The following SVOPL variants were observed in gnomAD, a reference collection of about 807,000 sequenced individuals.
The protein encoded by SVOPL is putative transporter SVOPL.
A neutral mutation model predicts 61.0 loss-of-function variants in SVOPL; 60 were observed. That is an observed-to-expected ratio of 0.98 (90% CI 0.80 to 1.22). SVOPL has a LOEUF of 1.22. Ranked by LOEUF, SVOPL falls within the 50% of genes most tolerant of loss-of-function variation. The pLI is 0.00. For missense variants in SVOPL, 662 were observed against 643.9 expected (o/e 1.03, Z -0.30); for synonymous variants, 279 against 250.0 (o/e 1.12, Z -1.09).
At position 138,659,983 on chromosome 7, in the gene SVOPL, C is replaced by T; in HGVS notation, c.351G>A (p.Leu117=). The T allele has an allele frequency of 6.4e-7, 1 of 1,551,474 alleles. No individual in the cohort carries two copies. The highest frequency in any genetic ancestry group is 8.7e-7 in the Non-Finnish European group (1 of 1,146,914). The part of the protein sequence containing the change: ...LADRYGRWKI[L]LISFLWGAYF... ...AGGCTCCCCACAGGAACGAGATGAG[C>T]AGAATCTGAAGCAACAGCAGAACAC... The change falls in exon 6 of 16, where the codon CTG becomes CTA. Residue 117 remains leucine, a synonymous_variant. Transcript: ENST00000674285.
chr7:138,621,934 CTATCTATCTATGTATCTATCTATCTATG>C lies in SVOPL; in HGVS notation c.1264-827_1264-800del, dbSNP rs1258502184. Among the ~76,000 whole-genome samples, 65 of 72,980 alleles carry C rather than the reference CTATCTATCTATGTATCTATCTATCTATG, an allele frequency of 8.9e-4. 7 individuals are homozygous for C. The highest frequency in any genetic ancestry group is 2.9e-3 in the African/African-American group (50 of 16,984). The allele number at this position is 72,980 out of a possible 152,430, so 47.9% of individuals were successfully genotyped here. ...TCTATCTATGTATCTATCTATGTAT[CTATCTATCTATGTATCTATCTATCTATG>C]TATCTATCTATGTATCTATCTATCT... is the stretch of plus-strand genomic sequence containing the variant. On this transcript the variant is annotated intron_variant, in intron 13 of 15. Coordinates refer to ENST00000674285, the MANE Select transcript of SVOPL (RefSeq NM_001139456.2).
intron 1 of SVOPL, among the ~76,000 whole-genome samples, chr7:138,699,737 G>A (rs761225864): frequency 2.6e-5 from 4 of 152,142 alleles, no homozygotes; most frequent in Non-Finnish European, 5.9e-5. Flanking sequence ...GGTGGGGTGA[G>A]GGTGGAAAAA....
Position 138,679,084 on chromosome 7 carries a change from T to G in SVOPL, c.-34-5A>C. The G allele has an allele frequency of 1.3e-6, 2 of 1,513,622 alleles. No homozygotes were observed. Among genetic ancestry groups the G allele is most frequent in the East Asian group, 4.9e-5 (2 of 40,686 alleles). The allele number at this position is 1,513,622 out of a possible 1,614,324, so 93.8% of individuals were successfully genotyped here. The stretch of plus-strand genomic sequence containing the variant: ...CAAGTTCCCCAAACAGCTTCCCTGG[T>G]GGAAGCAAGGGAGGGAAGAAGGAAA... On this transcript the variant is annotated splice_region_variant and splice_polypyrimidine_tract_variant and intron_variant, in intron 1 of 15. Transcript: ENST00000674285.
intron 1 of SVOPL, among the ~76,000 whole-genome samples, chr7:138,691,172 C>T (rs1288926670): frequency 6.6e-6 from 1 of 152,066 alleles, no homozygotes; most frequent in African/African-American, 2.4e-5. Flanking sequence ...AATAGTAATG[C>T]AAATCACAGC....
At chr7:138,618,592 C>T (rs1799404603) in intron 14 of SVOPL, among the ~76,000 whole-genome samples, 1 of 151,904 alleles carries the variant, frequency 6.6e-6, no homozygotes, top group Non-Finnish European at 1.5e-5. Context: ...ACCCAGGAGG[C>T]GGAGGTTGCA....
chr7:138,648,533 C>CAAAAAAAAAAAAAAAAAA (rs61171485), intron 8 of SVOPL, among the ~76,000 whole-genome samples: 1 of 73,788 alleles, frequency 1.4e-5, no homozygotes, highest in Non-Finnish European at 3.1e-5. Flanking sequence ...ACTAAAAATC[C>CAAAAAAAAAAAAAAAAAA]AAAAAAAAAA....
chr7:138,657,330 A>AT (rs1345337989), intron 6 of SVOPL, among the ~76,000 whole-genome samples: 2 of 151,744 alleles, frequency 1.3e-5, no homozygotes, highest in Non-Finnish European at 2.9e-5. Flanking sequence ...TAATTTTTAA[A>AT]TTTTTTGTAG....
At chr7:138,683,369 G>A (rs1015805193) in intron 1 of SVOPL, among the ~76,000 whole-genome samples, 1 of 151,784 alleles carries the variant, frequency 6.6e-6, no homozygotes, top group African/African-American at 2.4e-5. Context: ...GAGGTTCTGA[G>A]ATTCTGGGGT....
At chr7:138,638,976 G>C (rs956142844) in intron 9 of SVOPL, among the ~76,000 whole-genome samples, 4 of 152,198 alleles carry the variant, frequency 2.6e-5, no homozygotes. Flanking sequence ...TAACAGGCCA[G>C]GCACAGTGGC....
Position 138,678,424 on chromosome 7 carries a change from GAGCACTCACCCC to G in SVOPL, c.172_174+9del, listed in dbSNP as rs1332519541. Reference sequence around the variant, plus strand: ...GACACTTTTCGTCAACATCTCGAAGGAGCACTCACCCCAGTACTGCCCATGATCAGAAAGAGG... The same window carrying G: ...GACACTTTTCGTCAACATCTCGAAGGAGTACTGCCCATGATCAGAAAGAGG... On this transcript the variant is annotated splice_donor_variant and splice_donor_5th_base_variant and coding_sequence_variant and intron_variant, in exon 3 of 16. Transcript: ENST00000674285. LOFTEE classifies it high-confidence loss of function. 6.5e-7 allele frequency: 1 copy of G among 1,548,730 alleles called. No homozygotes were observed. The highest frequency in any genetic ancestry group is 8.7e-7 in the Non-Finnish European group (1 of 1,146,330).
intron 9 of SVOPL, among the ~76,000 whole-genome samples, chr7:138,639,542 G>A (rs980932913): frequency 1.3e-5 from 2 of 151,640 alleles, no homozygotes; most frequent in African/African-American, 2.4e-5. Flanking sequence ...CAGGAGAATC[G>A]CTTGAACCTG....
chr7:138,649,188 G>A (rs1461591477), intron 7 of SVOPL, 51 bp from the exon 8 acceptor site: 24 of 1,281,446 alleles, frequency 1.9e-5, no homozygotes, highest in East Asian at 5.5e-5. Flanking sequence ...TTATGACAAT[G>A]AAAAAAAAAA....
At chr7:138,653,205 G>T (rs745452278) in intron 7 of SVOPL, among the ~76,000 whole-genome samples, 2 of 152,190 alleles carry the variant, frequency 1.3e-5, no homozygotes, top group African/African-American at 4.8e-5. Flanking sequence ...TAACATAGAA[G>T]TGCAAGGTGA....
chr7:138,697,100 G>A (rs1803079592), intron 1 of SVOPL, among the ~76,000 whole-genome samples: 1 of 152,166 alleles, frequency 6.6e-6, no homozygotes. Context: ...GCTGGGCATG[G>A]TGGTGCATAC....
Position 138,649,036 on chromosome 7 carries a change from G to A in SVOPL, c.636C>T (p.Gly212=), listed in dbSNP as rs2117021472. The part of the protein sequence containing the change: ...RWLIRVASIP[G]IILIVAFKFI... ...CCTTGAAGGCCACGATGAGGATGAT[G>A]CCCGGGATGGAGGCGACGCGAATGA... Residue 212 remains glycine, a synonymous_variant, in exon 8 of 16, where the codon GGC becomes GGT. Coordinates refer to ENST00000674285, the MANE Select transcript of SVOPL (RefSeq NM_001139456.2). 1.2e-6 allele frequency: 2 copies of A among 1,613,988 alleles called. No homozygotes were observed. The highest frequency in any genetic ancestry group is 8.5e-7 in the Non-Finnish European group (1 of 1,179,948).
rs1158466336 is a variant in SVOPL at position 138,599,151 on chromosome 7, A to AC, written c.1354-2622_1354-2621insG. 6.2e-4 allele frequency among the ~76,000 whole-genome samples: 37 copies of AC among 59,950 alleles called. 1 individual carries two copies. Among genetic ancestry groups the AC allele is most frequent in the Non-Finnish European group, 1.0e-3 (31 of 31,112 alleles). The allele number at this position is 59,950 out of a possible 152,430, so 39.3% of individuals were successfully genotyped here. ...AGTGAGATCCGTCTCCAAAAAAAAA[A>AC]AAAAAACCAAAAAAAAAAGAAATAC... On this transcript the variant is annotated intron_variant, in intron 14 of 15. Transcript: ENST00000674285.
At chr7:138,660,099 G>C in intron 5 of SVOPL, 111 bp from the exon 6 acceptor site, 1 of 1,486,990 alleles carries the variant, frequency 6.7e-7, no homozygotes, top group Non-Finnish European at 9.0e-7. Context: ...GCTTCTCTGA[G>C]GAGCTAACCT....
Position 138,594,580 on chromosome 7 carries a change from C to G in SVOPL, c.*30G>C. The G allele has an allele frequency of 6.3e-7, 1 of 1,584,924 alleles. No individual in the cohort carries two copies. Among genetic ancestry groups the G allele is most frequent in the Non-Finnish European group, 8.6e-7 (1 of 1,168,748 alleles). On this transcript the variant is annotated 3_prime_UTR_variant, in exon 16 of 16. Transcript: ENST00000674285. ...AGTTCTGAAGATAGAATTCATTTTT[C>G]TCATCTGGTAGACATAGCTTTGCAG... is the stretch of plus-strand genomic sequence containing the variant.
chr7:138,628,174 G>A lies in SVOPL; in HGVS notation c.1053C>T (p.Thr351=), dbSNP rs911363188. ...PSDYRTMIIS[T]IGEIALNPLN... ...GACACTTACAAGCAATTTCACCGAT[G>A]GTGCTGATGATCATGGTCCGATAGT... The change falls in exon 11 of 16, where the codon ACC becomes ACT. Residue 351 remains threonine (T), a synonymous_variant. Transcript: ENST00000674285. The A allele has an allele frequency of 1.9e-6, 3 of 1,614,158 alleles. No homozygotes were observed. Among genetic ancestry groups the A allele is most frequent in the Non-Finnish European group, 2.5e-6 (3 of 1,180,028 alleles).
Sources: allele counts gnomAD v4.1 joint callset (sites outside exome capture counted in the v4.1 genomes callset), GRCh38; gene constraint gnomAD v4.1.1; transcripts MANE v1.5; gene names NCBI Gene and HGNC (gene_info 2026-07-23, HGNC 2026-07-21).